The following PRSS53 variants were observed in gnomAD, a reference collection of about 807,000 sequenced individuals.
PRSS53 encodes the protein serine protease 53.
PRSS53 carries 54 observed loss-of-function variants against 62.7 expected under a neutral mutation model. The observed-to-expected ratio is 0.86, with a 90% CI of 0.69 to 1.08. The LOEUF (loss-of-function observed/expected upper bound fraction) is 1.08. Ranked by LOEUF, PRSS53 falls within the 50% of genes least tolerant of loss-of-function variation. The probability of loss-of-function intolerance (pLI) is 0.00; values close to 1 mark genes in which losing one functional copy is unlikely to be tolerated. For synonymous variants in PRSS53, 273 were observed against 300.0 expected (o/e 0.91, Z 0.93); for missense variants, 688 against 728.3 (o/e 0.94, Z 0.64).
chr16:31,087,738 G>A (rs1201232244), intron 2 of PRSS53, 39 bp from the exon 3 acceptor site: 2 of 1,614,154 alleles, frequency 1.2e-6, no homozygotes, highest in Non-Finnish European at 1.7e-6. Flanking sequence ...GCAGATACCT[G>A]TCCTGACCTC....
exon 4 of PRSS53, chr16:31,086,675 C>T: frequency 6.4e-7 from 1 of 1,550,428 alleles, no homozygotes; most frequent in Non-Finnish European, 8.7e-7. Flanking sequence ...CAGCAGGAGG[C>T]TCCAAAGGGG....
chr16:31,084,565 C>G lies in PRSS53; in HGVS notation c.1418G>C (p.Ser473Thr), dbSNP rs1004282501. 1.9e-6 allele frequency: 3 copies of G among 1,604,124 alleles called. No individual in the cohort carries two copies. In the African/African-American group the frequency reaches 4.0e-5, roughly 21 times the overall value. ...TGGGGGCCTGGGGCTCACCTCACAG[C>G]TGGGCAGCTCACCCACAGCACTGGT... Residue 473 changes from serine to threonine, a missense_variant, in exon 9 of 11, where the codon AGC becomes ACC. Ser to Thr is a moderately conservative substitution (Grantham distance 58, BLOSUM62 1). Transcript: ENST00000280606.
intron 6 of PRSS53, 137 bp downstream of exon 6, chr16:31,085,827 G>A (rs954256733): frequency 4.0e-6 from 3 of 758,234 alleles, no homozygotes; most frequent in African/African-American, 1.7e-5. Context: ...AGCCCTAACA[G>A]GGCTGTTCCC....
chr16:31,088,699 G>A (rs1358105846), intron 1 of PRSS53, 53 bp downstream of exon 1: 2 of 1,610,044 alleles, frequency 1.2e-6, no homozygotes, highest in East Asian at 2.2e-5. Flanking sequence ...GGGCAGAGAT[G>A]GCCCCTGAGC....
intron 5 of PRSS53, 69 bp from the exon 6 acceptor site, chr16:31,086,252 GGT>G (rs753791401): frequency 1.3e-6 from 2 of 1,587,602 alleles, no homozygotes; most frequent in Non-Finnish European, 1.7e-6. Flanking sequence ...TCTGATTGCA[GGT>G]CTTTCCCCCA....
rs1378231682 is a variant in PRSS53 at position 31,084,278 on chromosome 16, G to T, written c.1483C>A (p.Leu495Met). The T allele has an allele frequency of 4.3e-6, 7 of 1,612,746 alleles. No homozygotes were observed. The African/African-American group carries it at 5.3e-5, about 12-fold the overall frequency. Residue 495 changes from leucine (L) to methionine (M), a missense_variant, in exon 10 of 11, where the codon CTG (leucine) becomes ATG (methionine). Physicochemically the swap from Leu to Met is conservative, Grantham distance 15 (BLOSUM62 2). Coordinates refer to ENST00000280606, the Ensembl canonical transcript of PRSS53. ...TGGCAAGCATCTCCGAAGCTGTGCA[G>T]CCCGGCCAGGAACCATGTGCCCCTC...
In PRSS53 at chr16:31,084,910, C is replaced by A; in HGVS notation, c.1149G>T (p.Met383Ile). Residue 383 changes from methionine (M) to isoleucine (I), a missense_variant, in exon 8 of 11, where the codon ATG becomes ATT. Met to Ile is a conservative substitution (Grantham distance 10). Transcript: ENST00000280606. ...CAGGCTGGGCCAGCAGCAGGAGGGC[C>A]ATGTCGTAGCCCCCCTCAGGGTGGG... The A allele has an allele frequency of 6.5e-7, 1 of 1,542,540 alleles. No individual in the cohort carries two copies. Among genetic ancestry groups the A allele is most frequent in the Non-Finnish European group, 8.8e-7 (1 of 1,142,384 alleles).
chr16:31,084,049 G>A, intron 10 of PRSS53, 70 bp downstream of exon 10: 2 of 1,524,522 alleles, frequency 1.3e-6, no homozygotes, highest in Non-Finnish European at 1.8e-6. Flanking sequence ...GGTTAGAACG[G>A]CACGTTCTCA....
At chr16:31,088,116 A>C in intron 1 of PRSS53, 1 of 1,359,502 alleles carries the variant, frequency 7.4e-7, no homozygotes, top group East Asian at 3.0e-5. Flanking sequence ...AGAACCCCCA[A>C]CTCCTGCCCC....
chr16:31,084,660 A>G (rs529617359), exon 9 of PRSS53: 26 of 1,610,978 alleles, frequency 1.6e-5, no homozygotes, highest in Non-Finnish European at 2.2e-5. Flanking sequence ...TGCAGGCCCT[A>G]GGCCCCAGGA....
At chr16:31,084,872 G>C in exon 8 of PRSS53, 1 of 1,547,712 alleles carries the variant, frequency 6.5e-7, no homozygotes, top group South Asian at 1.2e-5. Context: ...CCGCAGGCTG[G>C]CTCCCAGTGT....
exon 11 of PRSS53, chr16:31,083,593 GAGTGTCC>G: frequency 1.4e-6 from 2 of 1,468,042 alleles, no homozygotes; most frequent in Non-Finnish European, 1.8e-6. Context: ...TTGGGTGTGG[GAGTGTCC>G]ACAGACACCC....
At chr16:31,088,149 C>T (rs1236242156) in intron 1 of PRSS53, 30 of 1,322,906 alleles carry the variant, frequency 2.3e-5, no homozygotes, top group Non-Finnish European at 2.8e-5. Context: ...AGCCAGGCGG[C>T]CTGTGTGTGT....
chr16:31,087,412 T>C (rs1409249415), intron 3 of PRSS53, 125 bp downstream of exon 3: 12 of 684,770 alleles, frequency 1.8e-5, no homozygotes, highest in Non-Finnish European at 2.8e-5. Context: ...ACCCAGTACA[T>C]GGCAGATTCT....
At position 31,086,087 on chromosome 16, in the gene PRSS53, C is replaced by T. The variant is rs1447699032; in HGVS notation, c.760G>A (p.Ala254Thr). 22 of 1,613,618 alleles carry T rather than the reference C, an allele frequency of 1.4e-5. No homozygotes were observed. The highest frequency in any genetic ancestry group is 2.7e-5 in the African/African-American group (2 of 74,926). ...GCTGTGTTGGTCAGCAGCACAGGAG[C>T]GTCCTCCTGGGCACAGCTTGATGCA... Residue 254 changes from alanine (A) to threonine (T), a missense_variant, in exon 6 of 11, where the codon GCT becomes ACT. Physicochemically the swap from Ala to Thr is moderately conservative, Grantham distance 58. Coordinates refer to ENST00000280606, the Ensembl canonical transcript of PRSS53.
At chr16:31,087,385 T>TTAACTTGAC in intron 3 of PRSS53, 152 bp downstream of exon 3, 1 of 638,688 alleles carries the variant, frequency 1.6e-6, no homozygotes. Flanking sequence ...GTTGTTACAA[T>TTAACTTGAC]TAACTTGACA....
At chr16:31,083,602 C>T (rs2057194036) in exon 11 of PRSS53, 18 of 1,476,178 alleles carry the variant, frequency 1.2e-5, no homozygotes, top group Non-Finnish European at 1.6e-5. Flanking sequence ...GGAGTGTCCA[C>T]AGACACCCCT....
exon 11 of PRSS53, chr16:31,083,469 A>C (rs1368213587): frequency 2.3e-6 from 3 of 1,318,138 alleles, no homozygotes; most frequent in Non-Finnish European, 1.9e-6. Flanking sequence ...AAGTTTAAAA[A>C]AAGGAAAACT....
At chr16:31,085,170 G>A in exon 7 of PRSS53, 6 of 1,610,506 alleles carry the variant, frequency 3.7e-6, no homozygotes, top group Non-Finnish European at 5.1e-6. Flanking sequence ...TCCGCCACAG[G>A]CCAGCTGTCC....
Sources: gnomAD v4.1 joint callset for allele counts on GRCh38, gnomAD v4.1.1 for gene constraint, MANE v1.5 for transcripts, NCBI Gene and HGNC (gene_info 2026-07-23, HGNC 2026-07-21) for gene names.